GALNT16: variants seen among roughly 807,000 people sequenced by gnomAD.
GALNT16 encodes UDP-GalNAc:polypeptide N-acetylgalactosaminyltransferase-like protein 1.
In GALNT16, 40 loss-of-function variants were observed where a neutral mutation model predicts 76.1. That is an observed-to-expected ratio of 0.53 (90% CI 0.41 to 0.68). The LOEUF is 0.68. Ranked by LOEUF, GALNT16 falls within the 30% of genes least tolerant of loss-of-function variation. The pLI is 0.00. For missense variants in GALNT16, 621 were observed against 731.9 expected (o/e 0.85, Z 1.75); for synonymous variants, 276 against 285.2 (o/e 0.97, Z 0.32).
At chr14:69,383,033 T>G in the GALNT16 span, among the ~76,000 whole-genome samples, 1 of 152,224 alleles carries the variant, frequency 6.6e-6, no homozygotes, top group East Asian at 1.9e-4. Flanking sequence ...CTTCTCTTAC[T>G]GATCAGGAAT....
intron 1 of GALNT16, among the ~76,000 whole-genome samples, chr14:69,281,165 G>A (rs1331244563): frequency 1.3e-5 from 2 of 152,190 alleles, no homozygotes; most frequent in African/African-American, 4.8e-5. Context: ...TCCATCGTGA[G>A]CACCTGGGGA....
chr14:69,344,037 T>C (rs1325267071), intron 12 of GALNT16, among the ~76,000 whole-genome samples: 1 of 152,186 alleles, frequency 6.6e-6, no homozygotes, highest in Non-Finnish European at 1.5e-5. Flanking sequence ...AGTGGATCAA[T>C]TTGCTGATTA....
At chr14:69,360,243 C>A, downstream of GALNT16, among the ~76,000 whole-genome samples, 1 of 151,530 alleles carries the variant, frequency 6.6e-6, no homozygotes, top group East Asian at 1.9e-4. Flanking sequence ...GTCCCAGCTA[C>A]TCAGAAGGCT....
At chr14:69,321,580 C>T (rs532905392) in intron 2 of GALNT16, among the ~76,000 whole-genome samples, 9 of 152,308 alleles carry the variant, frequency 5.9e-5, no homozygotes, top group Admixed American at 5.9e-4. Flanking sequence ...CATGACCTGG[C>T]CTTACCCACC....
In GALNT16 at chr14:69,283,747, G is replaced by A. The variant is rs79840315; in HGVS notation, c.177+23280G>A. Among the ~76,000 whole-genome samples, 24 of 152,306 alleles carry A rather than the reference G, an allele frequency of 1.6e-4. 1 individual carries two copies. The East Asian group carries it at 4.4e-3, about 28-fold the overall frequency. On this transcript the variant is annotated intron_variant, in intron 1 of 14. Coordinates refer to ENST00000448469, the MANE Select transcript of GALNT16 (RefSeq NM_001168368.2). ...TTGATTATTTACTCTAAGTGGTGCT[G>A]TTAGAATGGTGCCCAACACTTAGTA...
chr14:69,348,887 C>T (rs1443988271), intron 14 of GALNT16: 2 of 152,508 alleles, frequency 1.3e-5, no homozygotes, highest in African/African-American at 2.4e-5. Flanking sequence ...CCAGCACTTC[C>T]CCTGCTCACC....
At chr14:69,304,252 C>T (rs1248663822) in intron 1 of GALNT16, among the ~76,000 whole-genome samples, 1 of 152,178 alleles carries the variant, frequency 6.6e-6, no homozygotes. Context: ...AAATATGAAA[C>T]AGACTGGTAA....
the GALNT16 span, among the ~76,000 whole-genome samples, chr14:69,363,347 C>T: frequency 6.6e-6 from 1 of 152,158 alleles, no homozygotes; most frequent in Non-Finnish European, 1.5e-5. Context: ...CTTCCCAGCC[C>T]AGGATTCGGT....
chr14:69,264,218 G>T (rs372385885), intron 1 of GALNT16, among the ~76,000 whole-genome samples: 32 of 152,300 alleles, frequency 2.1e-4, no homozygotes, highest in African/African-American at 7.7e-4. Flanking sequence ...ATTTAGGCAA[G>T]AATTTCTTAA....
intron 1 of GALNT16, among the ~76,000 whole-genome samples, chr14:69,294,213 C>A (rs1265106446): frequency 6.6e-6 from 1 of 152,106 alleles, no homozygotes; most frequent in Admixed American, 6.5e-5. Context: ...CCTCCACCCC[C>A]TGGGTTCAAG....
chr14:69,362,892 G>A, the GALNT16 span, among the ~76,000 whole-genome samples: 2 of 152,206 alleles, frequency 1.3e-5, no homozygotes, highest in Non-Finnish European at 2.9e-5. Context: ...GGAGGCTGGG[G>A]AGTCCCAGCA....
At chr14:69,269,395 TGTA>T (rs2044376888) in intron 1 of GALNT16, among the ~76,000 whole-genome samples, 1 of 131,426 alleles carries the variant, frequency 7.6e-6, no homozygotes, top group Non-Finnish European at 1.6e-5. Context: ...GTGTGTGTGG[TGTA>T]GTGTGTGTTG....
intron 2 of GALNT16, among the ~76,000 whole-genome samples, chr14:69,323,296 G>A (rs2045230564): frequency 1.3e-5 from 2 of 152,202 alleles, no homozygotes; most frequent in South Asian, 4.1e-4. Context: ...AGAGGCTCCT[G>A]GCTCCTGGGA....
intron 12 of GALNT16, among the ~76,000 whole-genome samples, chr14:69,346,148 C>A (rs1266554600): frequency 6.6e-6 from 1 of 152,072 alleles, no homozygotes; most frequent in Non-Finnish European, 1.5e-5. Context: ...CCTGCTTTGG[C>A]CTTCCAAAAT....
chr14:69,312,107 C>CTA (rs2045035104), intron 1 of GALNT16, among the ~76,000 whole-genome samples: 2 of 146,306 alleles, frequency 1.4e-5, no homozygotes, highest in Admixed American at 6.8e-5. Context: ...CTATCTATAT[C>CTA]TATCTATCTG....
intron 5 of GALNT16, 99 bp downstream of exon 5, chr14:69,326,126 T>G: frequency 1.1e-6 from 1 of 871,586 alleles, no homozygotes; most frequent in Non-Finnish European, 1.9e-6. Flanking sequence ...CAAGCCAACA[T>G]GGTCCTGCTG....
chr14:69,286,241 T>A (rs2044609848), intron 1 of GALNT16, among the ~76,000 whole-genome samples: 1 of 151,846 alleles, frequency 6.6e-6, no homozygotes, highest in African/African-American at 2.4e-5. Flanking sequence ...ATTACTGCTC[T>A]ATTTCTTGGT....
At chr14:69,327,180 G>A (rs1041461284) in intron 5 of GALNT16, among the ~76,000 whole-genome samples, 20 of 152,226 alleles carry the variant, frequency 1.3e-4, no homozygotes, top group East Asian at 3.9e-4. Context: ...CTAAAACCCC[G>A]TCTCTACTAA....
chr14:69,325,248 G>T, intron 3 of GALNT16, 89 bp from the exon 4 acceptor site: 1 of 817,710 alleles, frequency 1.2e-6, no homozygotes, highest in Non-Finnish European at 2.2e-6. Context: ...GGAGCTGGGC[G>T]GCTGGGGAGT....
Sources: gnomAD v4.1 joint callset for allele counts (sites outside exome capture counted in the v4.1 genomes callset) on GRCh38, gnomAD v4.1.1 for gene constraint, MANE v1.5 for transcripts, NCBI Gene and HGNC (gene_info 2026-07-23, HGNC 2026-07-21) for gene names.